KIF6: variants seen among roughly 807,000 people sequenced by gnomAD.
KIF6 encodes kinesin family member 6, also known as kinesin-like protein KIF6.
Under a neutral mutation model 112.7 loss-of-function variants are expected in KIF6, and 106 were observed. The observed-to-expected ratio is 0.94, with a 90% CI of 0.80 to 1.11. KIF6 has a LOEUF of 1.11. Among genes scored for constraint, KIF6 ranks in the 50% least tolerant of loss-of-function variants. KIF6 has a pLI of 0.00. For synonymous variants in KIF6, 339 were observed against 339.9 expected (o/e 1.00, Z 0.03); for missense variants, 929 against 964.0 (o/e 0.96, Z 0.48).
At chr6:39,718,790 A>G (rs1312184045) in intron 2 of KIF6, among the ~76,000 whole-genome samples, 1 of 151,974 alleles carries the variant, frequency 6.6e-6, no homozygotes, top group African/African-American at 2.4e-5. Flanking sequence ...TTTTAGGGCT[A>G]TTCCTTAAAG....
intron 9 of KIF6, among the ~76,000 whole-genome samples, chr6:39,579,271 T>G (rs1184329735): frequency 6.6e-6 from 1 of 152,208 alleles, no homozygotes; most frequent in African/African-American, 2.4e-5. Context: ...TTTGCCAATC[T>G]GTTAGGTGTA....
At chr6:39,434,407 C>CAAAA (rs5875673) in intron 13 of KIF6, among the ~76,000 whole-genome samples, 3 of 132,246 alleles carry the variant, frequency 2.3e-5, no homozygotes, top group African/African-American at 8.4e-5. Flanking sequence ...TACTAAAATA[C>CAAAA]AAAAAAAAAA....
chr6:39,512,738 C>A (rs573571861), intron 13 of KIF6, among the ~76,000 whole-genome samples: 3 of 152,322 alleles, frequency 2.0e-5, no homozygotes, highest in African/African-American at 7.2e-5. Flanking sequence ...CTGGCTCCTG[C>A]AGATCCTTTC....
chr6:39,610,701 G>A (rs886093836), intron 6 of KIF6, among the ~76,000 whole-genome samples: 12 of 152,038 alleles, frequency 7.9e-5, no homozygotes, highest in Non-Finnish European at 1.2e-4. Flanking sequence ...ATAAACTAAG[G>A]TGCTAAATAT....
chr6:39,466,528 T>C (rs1230274438), intron 13 of KIF6, among the ~76,000 whole-genome samples: 1 of 152,134 alleles, frequency 6.6e-6, no homozygotes, highest in Non-Finnish European at 1.5e-5. Context: ...ATCTACTAAA[T>C]CTCAGTAAGA....
chr6:39,707,543 C>A (rs988338339), intron 3 of KIF6, among the ~76,000 whole-genome samples: 2 of 152,230 alleles, frequency 1.3e-5, no homozygotes, highest in East Asian at 3.8e-4. Flanking sequence ...TGTCACTTCT[C>A]AGGTCCTGAG....
At chr6:39,706,853 G>T (rs1386538345) in intron 3 of KIF6, among the ~76,000 whole-genome samples, 1 of 152,138 alleles carries the variant, frequency 6.6e-6, no homozygotes, top group Non-Finnish European at 1.5e-5. Context: ...GAATCCCCTG[G>T]GGGAGAAGTT....
At chr6:39,418,815 A>G (rs1473513746) in intron 15 of KIF6, among the ~76,000 whole-genome samples, 2 of 152,000 alleles carry the variant, frequency 1.3e-5, no homozygotes, top group African/African-American at 2.4e-5. Flanking sequence ...CGTGATTTTT[A>G]TATTCTGTTA....
rs747903591 is a variant in KIF6 at position 39,540,037 on chromosome 6, C to G, written c.1611G>C (p.Leu537Phe). The change falls in exon 13 of 23, where the codon TTG becomes TTC. Residue 537 changes from leucine (L) to phenylalanine (F), a missense_variant. This residue lies in a region of KIF6 where 688 missense variants were observed against 662.7 expected (regional missense o/e 1.04). Transcript: ENST00000287152. ...APSQAQDFSI[L>F]GKRSSLLHKK... ...TGTGGAGCAAACTGGATCTTTTCCC[C>G]AAAATGCTGAAGTCCTGGGCCTGTG... is the stretch of plus-strand genomic sequence containing the variant. The G allele has an allele frequency of 1.2e-6, 2 of 1,606,370 alleles. No homozygotes were observed. The highest frequency in any genetic ancestry group is 1.7e-5 in the Admixed American group (1 of 58,020).
At chr6:39,702,788 T>C (rs558134023) in intron 3 of KIF6, among the ~76,000 whole-genome samples, 23 of 152,328 alleles carry the variant, frequency 1.5e-4, no homozygotes, top group African/African-American at 5.3e-4. Context: ...CAGTAAATAT[T>C]AGCAGAATGA....
rs147926445 is a variant in KIF6, at chr6:39,610,007, T to C, written c.639+3182A>G. Among the ~76,000 whole-genome samples the C allele has an allele frequency of 5.4e-3, 819 of 152,358 alleles. 2 individuals carry two copies. The highest frequency in any genetic ancestry group is 8.3e-3 in the Non-Finnish European group (565 of 68,030). ...GTGCCCTAGACCATGGGTAGGACTA[T>C]GCCTTCAAGGTAGGGGCAAATGGTC... On this transcript the variant is annotated intron_variant, in intron 6 of 22. Coordinates refer to ENST00000287152, the MANE Select transcript of KIF6 (RefSeq NM_145027.6).
At chr6:39,487,990 C>CATCTATCTATCTATCTATCTATCT (rs1464871982) in intron 13 of KIF6, among the ~76,000 whole-genome samples, 12,900 of 150,884 alleles carry the variant, frequency 0.085, 623 homozygotes, top group East Asian at 0.14. Flanking sequence ...CATTTATAGG[C>CATCTATCTATCTATCTATCTATCT]ATCTATCTAT....
chr6:39,494,946 G>T (rs893906464), intron 13 of KIF6, among the ~76,000 whole-genome samples: 4 of 152,128 alleles, frequency 2.6e-5, no homozygotes, highest in African/African-American at 9.7e-5. Context: ...GAGTTTCACA[G>T]GGGAAGTGGG....
chr6:39,366,259 C>G (rs1280153349), intron 16 of KIF6, among the ~76,000 whole-genome samples: 1 of 152,230 alleles, frequency 6.6e-6, no homozygotes, highest in Non-Finnish European at 1.5e-5. Flanking sequence ...ACCTCTGCTT[C>G]ACAATCAGGA....
At chr6:39,392,901 G>A (rs552018899) in intron 15 of KIF6, among the ~76,000 whole-genome samples, 8 of 152,300 alleles carry the variant, frequency 5.3e-5, no homozygotes, top group Non-Finnish European at 1.0e-4. Context: ...TCCAGCATTC[G>A]AGAAAAATAT....
chr6:39,456,934 C>T (rs997841330), intron 13 of KIF6, among the ~76,000 whole-genome samples: 22 of 151,380 alleles, frequency 1.5e-4, no homozygotes, highest in African/African-American at 5.1e-4. Flanking sequence ...GACTTTAACA[C>T]CCCACTGTCA....
At chr6:39,706,368 C>A (rs1044349521) in intron 3 of KIF6, among the ~76,000 whole-genome samples, 1 of 152,178 alleles carries the variant, frequency 6.6e-6, no homozygotes, top group Non-Finnish European at 1.5e-5. Context: ...GTTACATCAA[C>A]TGCTGTTGTT....
intron 3 of KIF6, among the ~76,000 whole-genome samples, chr6:39,697,541 C>CTTTTTTTTTTTTTTTTTTTTTTTT (rs35838361): frequency 7.6e-6 from 1 of 131,478 alleles, no homozygotes; most frequent in African/African-American, 2.8e-5. Context: ...TTTATCCTTT[C>CTTTTTTTTTTTTTTTTTTTTTTTT]TTTTTTTTTT....
Position 39,419,990 on chromosome 6 carries a change from T to C in KIF6, c.1768A>G (p.Lys590Glu). 1 of 1,607,130 alleles carries C rather than the reference T, an allele frequency of 6.2e-7. No individual in the cohort carries two copies. Among genetic ancestry groups the C allele is most frequent in the Non-Finnish European group, 8.5e-7 (1 of 1,173,636 alleles). Reference protein sequence around the residue: ...QILKQRFSEAKALGESINEAR... With the variant: ...QILKQRFSEAEALGESINEAR... ...TCATTTATACTTTCTCCCAGGGCCT[T>C]GGCTTCAGAAAATCTGGAGGGGAAA... Residue 590 changes from lysine to glutamate, a missense_variant, in exon 15 of 23, where the codon AAG (lysine) becomes GAG (glutamate). Lys to Glu is a moderately conservative substitution (Grantham distance 56, BLOSUM62 1). Transcript: ENST00000287152.
Sources: gnomAD v4.1 joint callset for allele counts (sites outside exome capture counted in the v4.1 genomes callset) on GRCh38, gnomAD v4.1.1 for gene constraint, gnomAD v4.1.1 regional missense constraint, MANE v1.5 for transcripts, NCBI Gene and HGNC (gene_info 2026-07-23, HGNC 2026-07-21) for gene names.